SPACA6: variants seen among roughly 807,000 people sequenced by gnomAD.
SPACA6 encodes sperm acrosome associated 6, also known as sperm acrosome membrane-associated protein 6.
For missense variants in SPACA6, 8 were observed against 2.8 expected, an observed-to-expected ratio of 2.88 and a Z score of -1.34; for synonymous variants, 6 against 1.5, an observed-to-expected ratio of 4.05 and a Z score of -2.21.
intron 2 of SPACA6, among the ~76,000 whole-genome samples, chr19:51,701,351 CCCAACAAGCT>C (rs1349067534): frequency 3.9e-5 from 6 of 152,102 alleles, no homozygotes; most frequent in African/African-American, 1.4e-4. Flanking sequence ...CCCTTCTCCC[CCCAACAAGCT>C]ACATGCAGGT....
chr19:51,687,488 T>TGA (rs2083333907), upstream of SPACA6: 1 of 135,438 alleles, frequency 7.4e-6, no homozygotes, highest in Non-Finnish European at 1.6e-5. Flanking sequence ...GGATATCATG[T>TGA]AAAAAAAAAA....
upstream of SPACA6, among the ~76,000 whole-genome samples, chr19:51,684,258 A>C (rs1447153981): frequency 6.6e-6 from 1 of 152,164 alleles, no homozygotes; most frequent in South Asian, 2.1e-4. Context: ...CGGACTTGCA[A>C]AAACTATAAC....
chr19:51,690,748 T>A (rs2083363054), upstream of SPACA6, among the ~76,000 whole-genome samples: 1 of 152,094 alleles, frequency 6.6e-6, no homozygotes, highest in South Asian at 2.1e-4. Context: ...CGCCTCAGTT[T>A]CCCCAAGGAG....
At chr19:51,692,149 C>G (rs940266338), upstream of SPACA6, among the ~76,000 whole-genome samples, 1 of 152,128 alleles carries the variant, frequency 6.6e-6, no homozygotes, top group Non-Finnish European at 1.5e-5. This position sits in a 1 kb window ranked among gnomAD's most constrained non-coding sequence, Gnocchi z 5.6. Flanking sequence ...CCTCCTTAGC[C>G]CTGGGCCTGG....
At chr19:51,702,591 A>G (rs1237229360) in intron 3 of SPACA6, 38 bp from the exon 4 acceptor site, 8 of 398,818 alleles carry the variant, frequency 2.0e-5, no homozygotes, top group African/African-American at 4.1e-5. Flanking sequence ...GGTTCTTCCC[A>G]TGACTGTAAG....
At chr19:51,695,960 A>C (rs530053749) in intron 2 of SPACA6, among the ~76,000 whole-genome samples, 1 of 152,320 alleles carries the variant, frequency 6.6e-6, no homozygotes, top group Non-Finnish European at 1.5e-5. Context: ...CACCGAAATA[A>C]GGAGCCTGAG....
chr19:51,706,888 A>G (rs1272922886), downstream of SPACA6, among the ~76,000 whole-genome samples: 1 of 151,932 alleles, frequency 6.6e-6, no homozygotes, highest in Non-Finnish European at 1.5e-5. Flanking sequence ...CAAACTCCTC[A>G]CCTCAGGTGA....
intron 2 of SPACA6, among the ~76,000 whole-genome samples, chr19:51,700,535 G>A (rs2122215641): frequency 6.6e-6 from 1 of 152,228 alleles, no homozygotes; most frequent in Middle Eastern, 3.4e-3. Flanking sequence ...CACTTTCCAG[G>A]CCAAATATAA....
chr19:51,695,384 T>C (rs1170421483), intron 2 of SPACA6, among the ~76,000 whole-genome samples: 1 of 151,798 alleles, frequency 6.6e-6, no homozygotes, highest in African/African-American at 2.4e-5. Context: ...GTTGCAGGAG[T>C]TACAGAGCCC....
chr19:51,682,821 T>G, the SPACA6 span, among the ~76,000 whole-genome samples: 13,976 of 152,262 alleles, frequency 0.092, 792 homozygotes, highest in South Asian at 0.15. Flanking sequence ...GGCGGGCAGA[T>G]CACTTGAGGT....
the SPACA6 span, among the ~76,000 whole-genome samples, chr19:51,683,663 T>A: frequency 6.6e-6 from 1 of 152,248 alleles, no homozygotes; most frequent in Non-Finnish European, 1.5e-5. Context: ...CTGTATTAAT[T>A]TGTAGGCATA....
At chr19:51,691,297 G>A (rs1205926124), upstream of SPACA6, among the ~76,000 whole-genome samples, 2 of 151,570 alleles carry the variant, frequency 1.3e-5, no homozygotes, top group African/African-American at 4.8e-5. Context: ...GAGAGGGAGA[G>A]AGACAGAGAC....
downstream of SPACA6, among the ~76,000 whole-genome samples, chr19:51,707,517 T>C (rs112796482): frequency 5.9e-5 from 9 of 152,318 alleles, 1 homozygote; most frequent in African/African-American, 2.2e-4. Context: ...CCACCGCGCC[T>C]GGCCAGAAAA....
At chr19:51,691,848 A>C (rs546177758), upstream of SPACA6, among the ~76,000 whole-genome samples, 169 of 152,088 alleles carry the variant, frequency 1.1e-3, no homozygotes, top group African/African-American at 4.0e-3. Flanking sequence ...CAGAAGCTGG[A>C]GAAGGCTGGG....
chr19:51,696,705 T>C (rs2083433449), intron 2 of SPACA6, among the ~76,000 whole-genome samples: 2 of 152,128 alleles, frequency 1.3e-5, no homozygotes, highest in African/African-American at 2.4e-5. Flanking sequence ...CACCTCAGCC[T>C]CCCAAAGTGC....
chr19:51,710,202 G>A (rs2083535681), downstream of SPACA6, among the ~76,000 whole-genome samples: 1 of 152,190 alleles, frequency 6.6e-6, no homozygotes, highest in Non-Finnish European at 1.5e-5. Flanking sequence ...CTTACCTGTG[G>A]CTCACTCTTA....
Sources: gnomAD v4.1 joint callset for allele counts (sites outside exome capture counted in the v4.1 genomes callset) on GRCh38, gnomAD v4.1.1 for gene constraint, Gnocchi (gnomAD v3.1) non-coding constraint, MANE v1.5 for transcripts, NCBI Gene and HGNC (gene_info 2026-07-23, HGNC 2026-07-21) for gene names.